JAKMIP3: variants seen among roughly 807,000 people sequenced by gnomAD.
JAKMIP3 encodes the protein Janus kinase and microtubule interacting protein 3.
In JAKMIP3, 58 loss-of-function variants were observed where a neutral mutation model predicts 118.5. That is an observed-to-expected ratio of 0.49 (90% CI 0.40 to 0.61). JAKMIP3 has a LOEUF of 0.61. Among genes scored for constraint, JAKMIP3 ranks in the 20% least tolerant of loss-of-function variants. JAKMIP3 has a pLI of 0.00. For missense variants in JAKMIP3, 950 were observed against 1,109.0 expected (o/e 0.86, Z 2.04); for synonymous variants, 486 against 451.2 (o/e 1.08, Z -0.98).
intron 1 of JAKMIP3, among the ~76,000 whole-genome samples, chr10:132,078,964 G>A (rs995899753): frequency 2.6e-5 from 4 of 152,224 alleles, no homozygotes; most frequent in African/African-American, 9.6e-5. Context: ...GTCAGGCGCA[G>A]CGCAGGGCTG....
At chr10:132,178,209 C>T (rs116565599) in intron 23 of JAKMIP3, among the ~76,000 whole-genome samples, 3,261 of 152,366 alleles carry the variant, frequency 0.021, 113 homozygotes, top group African/African-American at 0.073. Flanking sequence ...ATGGGAGGAC[C>T]ATTCCAGCAT....
chr10:132,103,725 G>A (rs567530746), intron 1 of JAKMIP3, among the ~76,000 whole-genome samples: 6 of 152,168 alleles, frequency 3.9e-5, no homozygotes, highest in East Asian at 1.9e-4. Context: ...GTGCCTGTCC[G>A]TGGCCTGTTA....
intron 14 of JAKMIP3, among the ~76,000 whole-genome samples, chr10:132,149,136 G>A (rs1164381477): frequency 6.6e-6 from 1 of 152,118 alleles, no homozygotes; most frequent in African/African-American, 2.4e-5. Context: ...GTGCCCGTGG[G>A]CTCAGGGTGG....
intron 1 of JAKMIP3, among the ~76,000 whole-genome samples, chr10:132,057,828 GC>G (rs1386266381): frequency 1.6e-4 from 25 of 152,342 alleles, no homozygotes; most frequent in African/African-American, 5.8e-4. Context: ...CCTCAACCCA[GC>G]ATGAATGCAG....
intron 3 of JAKMIP3, among the ~76,000 whole-genome samples, chr10:132,120,884 C>T (rs376508359): frequency 1.2e-3 from 176 of 152,352 alleles, no homozygotes; most frequent in African/African-American, 4.1e-3. Context: ...GGAGTTAAAT[C>T]TACGCGTGAG....
upstream of JAKMIP3, among the ~76,000 whole-genome samples, chr10:132,061,122 C>A (rs1307205908): frequency 6.6e-6 from 1 of 152,340 alleles, no homozygotes; most frequent in South Asian, 2.1e-4. Context: ...GAGTAACAGT[C>A]CTGAGCACCA....
rs1282156847 is a variant in JAKMIP3, at chr10:132,180,558, CGTGTGTGT to C, written c.*1104-1797_*1104-1790del. Reference sequence around the variant, plus strand: ...GTGTGTGTGTGTGCGTGCGTGCATGCGTGTGTGTGCGTGTGTGTGTGCGTGCGCGTGTG... The same window carrying C: ...GTGTGTGTGTGTGCGTGCGTGCATGCGCGTGTGTGTGTGCGTGCGCGTGTG... On this transcript the variant is annotated intron_variant, in intron 23 of 23. Coordinates refer to ENST00000684848, the MANE Select transcript of JAKMIP3 (RefSeq NM_001323087.2). 1.2e-3 allele frequency among the ~76,000 whole-genome samples: 31 copies of C among 25,012 alleles called. 12 individuals are homozygous for C. The highest frequency in any genetic ancestry group is 8.9e-3 in the African/African-American group (27 of 3,022). The allele number at this position is 25,012 out of a possible 152,430, so 16.4% of individuals were successfully genotyped here. A position where few individuals can be genotyped will look rare whatever the true frequency, so the allele number is the denominator to read the frequency against.
intron 19 of JAKMIP3, among the ~76,000 whole-genome samples, chr10:132,161,076 G>C (rs1254134900): frequency 6.5e-3 from 709 of 108,400 alleles, no homozygotes; most frequent in African/African-American, 0.024. Context: ...TGTGATGCTG[G>C]GGGGGCCTCT....
intron 3 of JAKMIP3, among the ~76,000 whole-genome samples, chr10:132,120,532 C>A (rs1381082815): frequency 6.6e-6 from 1 of 152,240 alleles, no homozygotes; most frequent in Non-Finnish European, 1.5e-5. Flanking sequence ...TGTCTATATC[C>A]TGGTTTTGTG....
chr10:132,136,570 A>G (rs964486530), intron 6 of JAKMIP3, among the ~76,000 whole-genome samples: 1 of 152,244 alleles, frequency 6.6e-6, no homozygotes, highest in Admixed American at 6.5e-5. Context: ...CCATGAAGCC[A>G]GAGTTTACTC....
intron 6 of JAKMIP3, among the ~76,000 whole-genome samples, 168 bp from the exon 7 acceptor site, chr10:132,136,851 C>G (rs1202769454): frequency 1.3e-5 from 2 of 152,198 alleles, no homozygotes; most frequent in African/African-American, 2.4e-5. Flanking sequence ...GGCCTCATTT[C>G]CCCAGGGACT....
At chr10:132,161,367 C>CTAT (rs1564986143) in intron 19 of JAKMIP3, among the ~76,000 whole-genome samples, 1 of 6,828 alleles carries the variant, frequency 1.5e-4, no homozygotes. Flanking sequence ...GCTGGGGGGG[C>CTAT]CTCTTCCTGT....
At chr10:132,077,115 A>G (rs1486793133) in intron 1 of JAKMIP3, among the ~76,000 whole-genome samples, 1 of 152,204 alleles carries the variant, frequency 6.6e-6, no homozygotes, top group Non-Finnish European at 1.5e-5. Flanking sequence ...GTGGCAGCCA[A>G]CTTCTGCCCA....
chr10:132,094,639 C>T (rs1042487269), intron 1 of JAKMIP3, among the ~76,000 whole-genome samples: 18 of 152,070 alleles, frequency 1.2e-4, no homozygotes, highest in African/African-American at 1.9e-4. Flanking sequence ...GCACCTGTTC[C>T]GGTGGAGGTG....
chr10:132,174,046 G>A (rs940512209), intron 23 of JAKMIP3, among the ~76,000 whole-genome samples: 2 of 151,410 alleles, frequency 1.3e-5, no homozygotes, highest in Admixed American at 6.6e-5. Context: ...TGTGTGGTGT[G>A]CCTGTGGTGG....
rs1013156330 is a variant in JAKMIP3, at chr10:132,164,294, C to T, written c.2425-376C>T. Among the ~76,000 whole-genome samples, 7 of 152,346 alleles carry T rather than the reference C, an allele frequency of 4.6e-5. No homozygotes were observed. The East Asian group carries it at 7.7e-4, about 17-fold the overall frequency. On this transcript the variant is annotated intron_variant, in intron 20 of 23. Coordinates refer to ENST00000684848, the MANE Select transcript of JAKMIP3 (RefSeq NM_001323087.2). ...GGACCCCAGGCGCCAGCATCCCCCT[C>T]ACCGGGAGGCTCTCTCTGTGCCCAG...
Position 132,141,782 on chromosome 10 carries a change from C to T in JAKMIP3, c.1474-138C>T, listed in dbSNP as rs569231733. On this transcript the variant is annotated intron_variant, in intron 10 of 23. Transcript: ENST00000684848. ...CCTGCACACTGGAGCAGGTCCCCTC[C>T]CTCATGCTGCTAGAGAGACCCCCCC... The T allele has an allele frequency of 2.5e-5, 24 of 965,832 alleles. No homozygotes were observed. The South Asian group carries it at 3.4e-4, about 14-fold the overall frequency. 59.8% of individuals were successfully genotyped at this position (965,832 alleles called of 1,614,324 possible).
chr10:132,071,741 T>C (rs751282068), intron 1 of JAKMIP3, among the ~76,000 whole-genome samples: 7 of 152,212 alleles, frequency 4.6e-5, no homozygotes, highest in Non-Finnish European at 8.8e-5. Flanking sequence ...TTTTAACCTG[T>C]CTATGCCTTT....
chr10:132,180,381 T>G (rs565818152), intron 23 of JAKMIP3, among the ~76,000 whole-genome samples: 11 of 114,108 alleles, frequency 9.6e-5, no homozygotes, highest in Non-Finnish European at 1.6e-4. Context: ...CCAGTTTGGA[T>G]GAGGTCCTCA....
Sources: gnomAD v4.1 joint callset for allele counts (sites outside exome capture counted in the v4.1 genomes callset) on GRCh38, gnomAD v4.1.1 for gene constraint, MANE v1.5 for transcripts, NCBI Gene and HGNC (gene_info 2026-07-23, HGNC 2026-07-21) for gene names.